TEKT5: variants seen among roughly 807,000 people sequenced by gnomAD.
TEKT5 encodes tektin 5.
A neutral mutation model predicts 48.7 loss-of-function variants in TEKT5; 52 were observed. The ratio of observed to expected loss-of-function variants is 1.07; its 90% CI spans 0.86 to 1.35. TEKT5 has a LOEUF of 1.35. Ranked by LOEUF, TEKT5 falls within the 40% of genes most tolerant of loss-of-function variation. TEKT5 has a pLI of 0.00. For synonymous variants in TEKT5, 318 were observed against 267.6 expected (o/e 1.19, Z -1.84); for missense variants, 831 against 641.6 (o/e 1.30, Z -3.19).
intron 6 of TEKT5, among the ~76,000 whole-genome samples, chr16:10,633,920 C>A (rs762834702): frequency 6.6e-6 from 1 of 152,114 alleles, no homozygotes; most frequent in Admixed American, 6.5e-5. Context: ...GTTACTCAGG[C>A]GGTAACTGAG....
chr16:10,686,256 T>G (rs1898860276), intron 3 of TEKT5, among the ~76,000 whole-genome samples: 1 of 152,132 alleles, frequency 6.6e-6, no homozygotes, highest in Admixed American at 6.5e-5. Context: ...AAGAATAAGT[T>G]AGAGCCCTAT....
At chr16:10,674,958 G>C (rs1898618622) in intron 5 of TEKT5, among the ~76,000 whole-genome samples, 1 of 151,904 alleles carries the variant, frequency 6.6e-6, no homozygotes, top group South Asian at 2.1e-4. Flanking sequence ...CCAAGTAGCT[G>C]GGATTACAGG....
chr16:10,640,684 T>G (rs1897981378), intron 5 of TEKT5, among the ~76,000 whole-genome samples: 1 of 152,044 alleles, frequency 6.6e-6, no homozygotes, highest in African/African-American at 2.4e-5. Context: ...CACGGTGCAT[T>G]AGTTTGCCTT....
intron 5 of TEKT5, among the ~76,000 whole-genome samples, chr16:10,654,781 A>T (rs537500678): frequency 6.6e-6 from 1 of 151,862 alleles, no homozygotes; most frequent in Non-Finnish European, 1.5e-5. Context: ...AGCCTCCATA[A>T]CCTCACAAGC....
intron 5 of TEKT5, among the ~76,000 whole-genome samples, chr16:10,646,606 A>G (rs1213393605): frequency 1.3e-5 from 2 of 152,016 alleles, no homozygotes; most frequent in African/African-American, 2.4e-5. Flanking sequence ...TTTTTTTTTC[A>G]AAGAATCAAA....
chr16:10,675,101 C>T (rs559077121), intron 5 of TEKT5, among the ~76,000 whole-genome samples: 1 of 152,164 alleles, frequency 6.6e-6, no homozygotes, highest in Non-Finnish European at 1.5e-5. Context: ...GCTGGGATTA[C>T]AGGTGTGAGC....
chr16:10,658,523 T>C (rs1297584832), intron 5 of TEKT5, among the ~76,000 whole-genome samples: 2 of 152,102 alleles, frequency 1.3e-5, no homozygotes, highest in Non-Finnish European at 2.9e-5. Flanking sequence ...TCTATCAATA[T>C]GAATTTCAAG....
At position 10,694,554 on chromosome 16, in the gene TEKT5, G is replaced by A. The variant is rs149055157; in HGVS notation, c.320C>T (p.Ala107Val). The A allele has an allele frequency of 6.9e-6, 11 of 1,603,876 alleles. No homozygotes were observed. Among genetic ancestry groups the A allele is most frequent in the Middle Eastern group, 3.3e-4 (2 of 6,016 alleles). The change falls in exon 1 of 7, where the codon GCC (alanine) becomes GTC (valine). Residue 107 changes from alanine to valine, a missense_variant. Coordinates refer to ENST00000283025, the MANE Select transcript of TEKT5 (RefSeq NM_144674.2). Reference protein sequence around the residue: ...SNQLQVRGAEASRLWASRLTD... With the variant: ...SNQLQVRGAEVSRLWASRLTD... Reference sequence around the variant, plus strand: ...CAGCCGGCTGGCCCACAGCCGGGAGGCCTCGGCCCCACGCACCTGCAGCTG... The same window carrying A: ...CAGCCGGCTGGCCCACAGCCGGGAGACCTCGGCCCCACGCACCTGCAGCTG...
Position 10,690,006 on chromosome 16 carries a change from T to C in TEKT5, c.584A>G (p.Tyr195Cys). ...CPLQVALECL[Y>C]HREKRIGIDL... ...AATCCCAATCCTCTTCTCTCGATGG[T>C]ACAGACACTCCAAGGCCACCTGTGG... Residue 195 changes from tyrosine (Y) to cysteine (C), a missense_variant, in exon 2 of 7, where the codon TAC becomes TGC. By Grantham distance (194) the Tyr-to-Cys change is radical. Transcript: ENST00000283025. The C allele has an allele frequency of 6.2e-7, 1 of 1,614,080 alleles. No individual in the cohort carries two copies. The highest frequency in any genetic ancestry group is 8.5e-7 in the Non-Finnish European group (1 of 1,180,016).
chr16:10,690,048 CGTATTCTTCCT>C, intron 1 of TEKT5, 23 bp from the exon 2 acceptor site: 1 of 1,611,094 alleles, frequency 6.2e-7, no homozygotes, highest in Non-Finnish European at 8.5e-7. Flanking sequence ...GCAGAAAGAA[CGTATTCTTCCT>C]GTAGCTGTAT....
In TEKT5 at chr16:10,673,696, G is replaced by A. The variant is rs148478533; in HGVS notation, c.1086+2263C>T. Among the ~76,000 whole-genome samples the A allele has an allele frequency of 5.0e-3, 696 of 138,656 alleles. 5 individuals are homozygous for A. The highest frequency in any genetic ancestry group is 0.018 in the African/African-American group (669 of 36,184). 91.0% of individuals were successfully genotyped at this position (138,656 alleles called of 152,430 possible). A position where few individuals can be genotyped will look rare whatever the true frequency, so the allele number is the denominator to read the frequency against. The stretch of plus-strand genomic sequence containing the variant: ...GACAGATTCTCACTCTGTCTCCCAC[G>A]CTGGAGTGCAGTGGTGAGATCTCGG... On this transcript the variant is annotated intron_variant, in intron 5 of 6. Transcript: ENST00000283025.
intron 5 of TEKT5, among the ~76,000 whole-genome samples, chr16:10,651,684 G>C (rs994651322): frequency 6.6e-6 from 1 of 152,210 alleles, no homozygotes; most frequent in Non-Finnish European, 1.5e-5. Context: ...ACACAGCCGG[G>C]TGTGGTGGCT....
rs371610942 is a variant in TEKT5, at chr16:10,682,147, G to C, written c.720-11C>G. On this transcript the variant is annotated splice_polypyrimidine_tract_variant and intron_variant, in intron 3 of 6. Coordinates refer to ENST00000283025, the MANE Select transcript of TEKT5 (RefSeq NM_144674.2). ...GCATCCCGGTTATCCCTGCAGGGAG[G>C]GAGGAGTCATTCCTGGACTATGCAC... 7 of 1,613,482 alleles carry C rather than the reference G, an allele frequency of 4.3e-6. No homozygotes were observed. The highest frequency in any genetic ancestry group is 1.7e-5 in the Admixed American group (1 of 59,978).
intron 5 of TEKT5, among the ~76,000 whole-genome samples, chr16:10,652,502 G>A (rs1308051811): frequency 1.2e-5 from 1 of 86,786 alleles, no homozygotes; most frequent in Non-Finnish European, 2.2e-5. Flanking sequence ...ACACCCTCCA[G>A]GCCAGGTAGA....
intron 5 of TEKT5, among the ~76,000 whole-genome samples, chr16:10,663,969 G>C (rs978175267): frequency 4.6e-5 from 7 of 152,188 alleles, no homozygotes; most frequent in Non-Finnish European, 7.3e-5. Flanking sequence ...GCTGTCTGAG[G>C]TCAGAGGTCC....
chr16:10,656,895 C>T (rs893407252), intron 5 of TEKT5, among the ~76,000 whole-genome samples: 1 of 151,614 alleles, frequency 6.6e-6, no homozygotes, highest in Admixed American at 6.6e-5. Flanking sequence ...TGCACACCAC[C>T]ATGCCTGGCT....
At chr16:10,647,837 C>T (rs1567227076) in intron 5 of TEKT5, among the ~76,000 whole-genome samples, 1 of 152,224 alleles carries the variant, frequency 6.6e-6, no homozygotes, top group Admixed American at 6.5e-5. Flanking sequence ...AACAAATGTT[C>T]GTTGAGCACC....
intron 6 of TEKT5, among the ~76,000 whole-genome samples, chr16:10,632,094 G>C (rs553486484): frequency 4.8e-4 from 73 of 152,290 alleles, no homozygotes; most frequent in African/African-American, 1.8e-3. Context: ...GCCTGGGCTA[G>C]AGAGAAGCAA....
intron 3 of TEKT5, among the ~76,000 whole-genome samples, chr16:10,688,994 G>A (rs537435642): frequency 6.6e-6 from 1 of 152,244 alleles, no homozygotes; most frequent in African/African-American, 2.4e-5. Context: ...AGAGTCAGTT[G>A]TACACATCTC....
Sources: allele counts gnomAD v4.1 joint callset (sites outside exome capture counted in the v4.1 genomes callset), GRCh38; gene constraint gnomAD v4.1.1; transcripts MANE v1.5; gene names NCBI Gene and HGNC (gene_info 2026-07-23, HGNC 2026-07-21).